ASTN2: variants seen among roughly 807,000 people sequenced by gnomAD.
ASTN2 encodes astrotactin-2.
In ASTN2, 54 loss-of-function variants were observed where a neutral mutation model predicts 139.8. The observed-to-expected ratio is 0.39, with a 90% confidence interval of 0.31 to 0.48. The LOEUF is 0.48. ASTN2 is among the 20% of genes least tolerant of loss of function. The pLI, the probability that ASTN2 is intolerant of heterozygous loss-of-function variation, is 0.95. For synonymous variants in ASTN2, 756 were observed against 719.5 expected (o/e 1.05, Z -0.81); for missense variants, 1,565 against 1,725.1 (o/e 0.91, Z 1.64).
chr9:117,298,887 G>A (rs937910211), intron 1 of ASTN2, among the ~76,000 whole-genome samples: 11 of 151,964 alleles, frequency 7.2e-5, no homozygotes, highest in South Asian at 2.1e-4. Flanking sequence ...TAATTGAGCC[G>A]TCCCATATTT....
chr9:116,681,949 C>T (rs1159046191), intron 16 of ASTN2, among the ~76,000 whole-genome samples: 1 of 151,680 alleles, frequency 6.6e-6, no homozygotes, highest in African/African-American at 2.4e-5. Context: ...CATTACCATT[C>T]AGGACATAGG....
chr9:117,356,829 G>A (rs1386396148), intron 1 of ASTN2, among the ~76,000 whole-genome samples: 1 of 152,120 alleles, frequency 6.6e-6, no homozygotes, highest in Non-Finnish European at 1.5e-5. Flanking sequence ...TTGGGAGGCT[G>A]AGGTGGGTGA....
chr9:116,662,871 T>C (rs1052581806), intron 16 of ASTN2, among the ~76,000 whole-genome samples: 3 of 152,174 alleles, frequency 2.0e-5, no homozygotes, highest in Non-Finnish European at 4.4e-5. Context: ...AACTGTAATA[T>C]ACAGCTGAAA....
intron 1 of ASTN2, among the ~76,000 whole-genome samples, chr9:117,402,769 C>A (rs1830870821): frequency 6.6e-6 from 1 of 151,944 alleles, no homozygotes; most frequent in Admixed American, 6.6e-5. Flanking sequence ...AGCAACCCTA[C>A]ATGGAGTGGG....
At chr9:116,889,688 C>A (rs900904219) in intron 10 of ASTN2, among the ~76,000 whole-genome samples, 12 of 150,620 alleles carry the variant, frequency 8.0e-5, no homozygotes, top group Non-Finnish European at 1.8e-4. Context: ...GAGTTTAAGA[C>A]CAGCCTGGGC....
At chr9:116,445,993 T>C (rs10983159) in intron 20 of ASTN2, among the ~76,000 whole-genome samples, 29,667 of 151,898 alleles carry the variant, frequency 0.2, 3,378 homozygotes, top group Middle Eastern at 0.28. Context: ...TCAGCTGTAA[T>C]TGTAGAACTG....
intron 19 of ASTN2, among the ~76,000 whole-genome samples, chr9:116,506,491 TAAG>T (rs57392996): frequency 0.12 from 18,039 of 151,548 alleles, 1,110 homozygotes; most frequent in East Asian, 0.2. Flanking sequence ...GATGGAGGAG[TAAG>T]AAGGAGTGAC....
rs1454046307 is a variant in ASTN2, at chr9:116,736,568, C to T, written c.2397-3045G>A. Among the ~76,000 whole-genome samples the T allele has an allele frequency of 3.9e-5, 6 of 152,284 alleles. No homozygotes were observed. In the East Asian group the frequency reaches 1.2e-3, roughly 29 times the overall value. On this transcript the variant is annotated intron_variant, in intron 13 of 22. Transcript: ENST00000313400. ...CAAGAGGAGGACCTTGCTGCTCCTA[C>T]AAGAGAGGAGAGAGTTAGCTATTCA...
rs1564345877 is a variant in ASTN2, at chr9:116,530,152, A to ATAT, written c.3356-42653_3356-42652insATA. On this transcript the variant is annotated intron_variant, in intron 19 of 22. Coordinates refer to ENST00000313400, the MANE Select transcript of ASTN2 (RefSeq NM_001365068.1). ...ATATATATATATATATATATATATA[A>ATAT]AATAGAATATTATTAATCCTTAAAA... Among the ~76,000 whole-genome samples the ATAT allele has an allele frequency of 9.9e-4, 25 of 25,330 alleles. 2 individuals are homozygous for ATAT. The highest frequency in any genetic ancestry group is 1.5e-3 in the Non-Finnish European group (19 of 12,656). 16.6% of individuals were successfully genotyped at this position (25,330 alleles called of 152,430 possible). A position where few individuals can be genotyped will look rare whatever the true frequency, so the allele number is the denominator to read the frequency against.
rs190709728 is a variant in ASTN2 at position 116,516,557 on chromosome 9, T to C, written c.3356-29057A>G. Reference sequence around the variant, plus strand: ...ACAGAGCAGCGTGGGGAGACTCATATTGTGAACTTTTGCTCCAAGAACTAC... The same window carrying C: ...ACAGAGCAGCGTGGGGAGACTCATACTGTGAACTTTTGCTCCAAGAACTAC... On this transcript the variant is annotated intron_variant, in intron 19 of 22. Transcript: ENST00000313400. Among the ~76,000 whole-genome samples the C allele has an allele frequency of 2.6e-3, 393 of 152,306 alleles. 6 individuals are homozygous for C. Among genetic ancestry groups the C allele is most frequent in the Middle Eastern group, 0.017 (5 of 294 alleles).
At chr9:117,342,301 C>A (rs899516392) in intron 1 of ASTN2, among the ~76,000 whole-genome samples, 1 of 152,124 alleles carries the variant, frequency 6.6e-6, no homozygotes, top group Non-Finnish European at 1.5e-5. Flanking sequence ...TGTTGGCATG[C>A]CACTTAGCCT....
chr9:117,342,696 A>T (rs991446744), intron 1 of ASTN2, among the ~76,000 whole-genome samples: 29 of 152,332 alleles, frequency 1.9e-4, no homozygotes, highest in African/African-American at 6.7e-4. Flanking sequence ...TACCATTTTC[A>T]AACTGTGTTT....
chr9:116,831,501 T>C (rs1445402903), intron 11 of ASTN2, among the ~76,000 whole-genome samples: 2 of 152,166 alleles, frequency 1.3e-5, no homozygotes, highest in Admixed American at 6.5e-5. Context: ...GCTGAAAATG[T>C]AGTAGTAAAC....
intron 20 of ASTN2, among the ~76,000 whole-genome samples, chr9:116,485,517 C>T (rs1416399087): frequency 6.6e-6 from 1 of 152,154 alleles, no homozygotes; most frequent in Non-Finnish European, 1.5e-5. Flanking sequence ...TGCAGTTGTC[C>T]CAGAGCCCAA....
In ASTN2 at chr9:116,725,798, G is replaced by C. The variant is rs747434063; in HGVS notation, c.2779C>G (p.Gln927Glu). 12 of 1,613,660 alleles carry C rather than the reference G, an allele frequency of 7.4e-6. No individual in the cohort carries two copies. Among genetic ancestry groups the C allele is most frequent in the Non-Finnish European group, 1.0e-5 (12 of 1,180,004 alleles). Residue 927 changes from glutamine to glutamate, a missense_variant, in exon 16 of 23, where the codon CAG becomes GAG. Coordinates refer to ENST00000313400, the MANE Select transcript of ASTN2 (RefSeq NM_001365068.1). Reference protein sequence around the residue: ...IIHFPSKKVQQQLWLQYQKET... With the variant: ...IIHFPSKKVQEQLWLQYQKET... ...TTCTGATACTGGAGCCACAGCTGCT[G>C]CTGGACCTTCTTGCTGGGAAAGTGG...
At chr9:117,234,572 T>G (rs1176146113) in intron 2 of ASTN2, among the ~76,000 whole-genome samples, 2 of 152,204 alleles carry the variant, frequency 1.3e-5, no homozygotes, top group Non-Finnish European at 2.9e-5. Flanking sequence ...ATCACTGCTT[T>G]TGTACACTTT....
chr9:116,607,505 G>A (rs1320258124), intron 19 of ASTN2, among the ~76,000 whole-genome samples: 1 of 152,108 alleles, frequency 6.6e-6, no homozygotes, highest in Admixed American at 6.6e-5. Context: ...CCCTAGGCCA[G>A]ATAACCAAAA....
chr9:117,117,112 T>G (rs769664173), intron 4 of ASTN2, among the ~76,000 whole-genome samples: 5 of 151,904 alleles, frequency 3.3e-5, no homozygotes, highest in African/African-American at 7.3e-5. Context: ...TTCACAGCAG[T>G]CAAGAAATCA....
At chr9:116,689,195 CAAGTCCTAGCTCTATCTCTTCCTGACTTT>C (rs1421361336) in intron 16 of ASTN2, among the ~76,000 whole-genome samples, 6 of 152,306 alleles carry the variant, frequency 3.9e-5, no homozygotes, top group Admixed American at 6.5e-5. Flanking sequence ...ACCCTGGGTT[CAAGTCCTAGCTCTATCTCTTCCTGACTTT>C]AAGTCCTAGC....
Sources: gnomAD v4.1 joint callset for allele counts (sites outside exome capture counted in the v4.1 genomes callset) on GRCh38, gnomAD v4.1.1 for gene constraint, MANE v1.5 for transcripts, NCBI Gene and HGNC (gene_info 2026-07-23, HGNC 2026-07-21) for gene names.